MLIP: variants seen among roughly 807,000 people sequenced by gnomAD.
MLIP encodes muscular LMNA-interacting protein.
In MLIP, 79 loss-of-function variants were observed where a neutral mutation model predicts 84.8. The observed-to-expected ratio is 0.93, with a 90% CI of 0.78 to 1.12. The LOEUF is 1.12. Ranked by LOEUF, MLIP falls within the 50% of genes most tolerant of loss-of-function variation. The probability of loss-of-function intolerance (pLI) is 0.00; values close to 1 mark genes in which losing one functional copy is unlikely to be tolerated. For missense variants in MLIP, 1,257 were observed against 1,160.6 expected (o/e 1.08, Z -1.21); for synonymous variants, 504 against 463.0 (o/e 1.09, Z -1.14).
At chr6:54,099,518 A>G (rs1469467801) in intron 1 of MLIP, 2 of 152,202 alleles carry the variant, frequency 1.3e-5, no homozygotes, top group African/African-American at 2.4e-5. Flanking sequence ...AAAAAAAAAT[A>G]TATAGCTGTG....
intron 1 of MLIP, among the ~76,000 whole-genome samples, chr6:54,086,430 T>G (rs748325386): frequency 5.3e-5 from 8 of 152,220 alleles, no homozygotes; most frequent in Non-Finnish European, 8.8e-5. Context: ...TTTTCTTGAC[T>G]GAAATTTGGA....
intron 2 of MLIP, among the ~76,000 whole-genome samples, chr6:54,123,360 A>T (rs1269123054): frequency 6.6e-6 from 1 of 152,262 alleles, no homozygotes; most frequent in Admixed American, 6.5e-5. Flanking sequence ...AAAAAAATGA[A>T]AAAAGTATGT....
chr6:54,239,511 C>T (rs1408950689), intron 12 of MLIP, among the ~76,000 whole-genome samples: 3 of 150,976 alleles, frequency 2.0e-5, no homozygotes, highest in Non-Finnish European at 4.4e-5. Context: ...TGGCTCATGC[C>T]TGTAATCCTA....
chr6:54,100,581 T>C (rs1307493205), intron 1 of MLIP, among the ~76,000 whole-genome samples: 1 of 152,104 alleles, frequency 6.6e-6, no homozygotes, highest in Admixed American at 6.6e-5. Flanking sequence ...ACTGAGGGGA[T>C]TATATTATAT....
upstream of MLIP, among the ~76,000 whole-genome samples, chr6:54,109,142 A>T (rs143230062): frequency 6.6e-6 from 1 of 151,148 alleles, no homozygotes; most frequent in Non-Finnish European, 1.5e-5. Context: ...TCATATATAT[A>T]TGAATATTTC....
Position 54,066,006 on chromosome 6 carries a change from C to T in MLIP, c.63+46915C>T, listed in dbSNP as rs1370680145. 2.0e-5 allele frequency among the ~76,000 whole-genome samples: 2 copies of T among 98,690 alleles called. 1 individual carries two copies. The highest frequency in any genetic ancestry group is 5.1e-5 in the African/African-American group (2 of 38,894). The allele number at this position is 98,690 out of a possible 152,430, so 64.7% of individuals were successfully genotyped here. ...AATTTCATATTTTATTTTGCCCACT[C>T]AATATTATTTTACATATCCCTTCTA... On this transcript the variant is annotated intron_variant, in intron 1 of 12. Coordinates refer to the MLIP transcript ENST00000274897.
intron 1 of MLIP, among the ~76,000 whole-genome samples, chr6:54,043,655 G>A (rs1424339457): frequency 6.6e-6 from 1 of 152,222 alleles, no homozygotes. Context: ...CTGGTACAGA[G>A]ATAGGATGGG....
chr6:54,243,510 T>C (rs1361116247), intron 12 of MLIP, among the ~76,000 whole-genome samples: 1 of 152,146 alleles, frequency 6.6e-6, no homozygotes, highest in Non-Finnish European at 1.5e-5. Flanking sequence ...AAGGAACATA[T>C]TTAGAAAAAG....
At chr6:54,180,198 G>A (rs1041902162) in intron 9 of MLIP, among the ~76,000 whole-genome samples, 1 of 152,052 alleles carries the variant, frequency 6.6e-6, no homozygotes, top group Non-Finnish European at 1.5e-5. Flanking sequence ...ACATATTGGA[G>A]CTCCATTGTG....
At chr6:54,175,401 G>A (rs139245387) in intron 9 of MLIP, among the ~76,000 whole-genome samples, 9 of 151,608 alleles carry the variant, frequency 5.9e-5, no homozygotes, top group Middle Eastern at 3.4e-3. Flanking sequence ...CATTTTTTGT[G>A]TGTCCTCTTC....
chr6:54,145,973 G>T (rs959295398), intron 4 of MLIP, among the ~76,000 whole-genome samples: 1 of 151,950 alleles, frequency 6.6e-6, no homozygotes, highest in Non-Finnish European at 1.5e-5. Context: ...CTAACAAAAT[G>T]TTTCATGAAA....
intron 1 of MLIP, among the ~76,000 whole-genome samples, chr6:54,114,279 T>C (rs1428497722): frequency 6.6e-6 from 1 of 152,210 alleles, no homozygotes; most frequent in African/African-American, 2.4e-5. Context: ...ACAACCCTAG[T>C]AATTTTATCC....
chr6:54,253,482 A>G (rs1443198574), intron 12 of MLIP, among the ~76,000 whole-genome samples: 4 of 152,180 alleles, frequency 2.6e-5, no homozygotes, highest in Non-Finnish European at 5.9e-5. Context: ...CAGTCCAGAA[A>G]ACATACTTTA....
chr6:54,228,452 G>C (rs1350579814), intron 11 of MLIP, among the ~76,000 whole-genome samples: 1 of 152,078 alleles, frequency 6.6e-6, no homozygotes, highest in Admixed American at 6.5e-5. Context: ...TCTTTTGCTC[G>C]TCCAAGTGCT....
chr6:54,187,793 T>A (rs1419695307), intron 9 of MLIP, among the ~76,000 whole-genome samples: 2 of 152,026 alleles, frequency 1.3e-5, no homozygotes, highest in Non-Finnish European at 2.9e-5. Context: ...CATCAAAGTG[T>A]ATATACCAAG....
intron 4 of MLIP, among the ~76,000 whole-genome samples, chr6:54,140,955 G>A (rs1772244669): frequency 6.6e-6 from 1 of 152,156 alleles, no homozygotes; most frequent in Admixed American, 6.6e-5. Flanking sequence ...AAATCAAAGA[G>A]CTTTAGATTT....
At chr6:54,244,057 T>G (rs1029032939) in intron 12 of MLIP, among the ~76,000 whole-genome samples, 1 of 152,150 alleles carries the variant, frequency 6.6e-6, no homozygotes, top group South Asian at 2.1e-4. Context: ...TCTGACAAAA[T>G]TGTACTGAGG....
chr6:54,043,828 A>G (rs1764883998), intron 1 of MLIP, among the ~76,000 whole-genome samples: 1 of 152,220 alleles, frequency 6.6e-6, no homozygotes, highest in African/African-American at 2.4e-5. Context: ...CTGAAAAGAC[A>G]TTACAGAAAA....
chr6:54,225,676 T>C (rs1288450614), intron 11 of MLIP, among the ~76,000 whole-genome samples: 2 of 152,056 alleles, frequency 1.3e-5, no homozygotes, highest in Non-Finnish European at 2.9e-5. Context: ...CATTAAAGAG[T>C]GCTGTGTCCT....
Sources: gnomAD v4.1 joint callset for allele counts (sites outside exome capture counted in the v4.1 genomes callset) on GRCh38, gnomAD v4.1.1 for gene constraint, MANE v1.5 for transcripts, NCBI Gene and HGNC (gene_info 2026-07-23, HGNC 2026-07-21) for gene names.